CLYBL: variants seen among roughly 807,000 people sequenced by gnomAD.
CLYBL encodes citramalyl-CoA lyase.
A neutral mutation model predicts 38.9 loss-of-function variants in CLYBL; 31 were observed. The observed-to-expected ratio is 0.80, with a 90% confidence interval of 0.60 to 1.08. The LOEUF (loss-of-function observed/expected upper bound fraction) is 1.08, where lower values mean the gene tolerates loss of function less well. Ranked by LOEUF, CLYBL falls within the 50% of genes least tolerant of loss-of-function variation. The pLI, the probability that CLYBL is intolerant of heterozygous loss-of-function variation, is 0.00. For synonymous variants in CLYBL, 171 were observed against 158.6 expected (o/e 1.08, Z -0.59); for missense variants, 434 against 411.6 (o/e 1.05, Z -0.47).
intron 1 of CLYBL, among the ~76,000 whole-genome samples, chr13:99,709,923 C>CTTTTTTTT (rs373484721): frequency 1.5e-4 from 17 of 110,476 alleles, no homozygotes; most frequent in Admixed American, 2.1e-4. Flanking sequence ...TTCTTTCTTT[C>CTTTTTTTT]TTTTTTTTTT....
chr13:99,851,358 A>G (rs2051325487), intron 2 of CLYBL, among the ~76,000 whole-genome samples: 1 of 142,590 alleles, frequency 7.0e-6, no homozygotes, highest in Non-Finnish European at 1.5e-5. Flanking sequence ...CAAGAGTGAA[A>G]GTCCACCTCA....
At chr13:99,723,652 C>T (rs1180651496) in intron 1 of CLYBL, among the ~76,000 whole-genome samples, 1 of 152,176 alleles carries the variant, frequency 6.6e-6, no homozygotes, top group Non-Finnish European at 1.5e-5. Context: ...TCCATGTTCC[C>T]ATCCATGGGC....
intron 2 of CLYBL, among the ~76,000 whole-genome samples, chr13:99,796,508 T>C (rs1456424987): frequency 6.6e-6 from 1 of 152,200 alleles, no homozygotes; most frequent in African/African-American, 2.4e-5. Context: ...ACTCATTTCA[T>C]GTTCATAGCA....
intron 1 of CLYBL, among the ~76,000 whole-genome samples, chr13:99,644,802 A>G (rs1164496163): frequency 6.6e-6 from 1 of 152,190 alleles, no homozygotes; most frequent in South Asian, 2.1e-4. Context: ...ATTTCACTTA[A>G]CATAATGTCC....
chr13:99,692,165 C>T (rs1357856501), intron 1 of CLYBL, among the ~76,000 whole-genome samples: 10 of 152,176 alleles, frequency 6.6e-5, no homozygotes, highest in Admixed American at 6.6e-4. Context: ...AGACGCATTA[C>T]ATATGCCAGC....
At chr13:99,833,970 G>A (rs1031241167) in intron 2 of CLYBL, among the ~76,000 whole-genome samples, 5 of 152,006 alleles carry the variant, frequency 3.3e-5, no homozygotes, top group Non-Finnish European at 7.4e-5. Flanking sequence ...AAAGTGCTGG[G>A]ATTACAGGTG....
At chr13:99,833,007 CATATATAT>C (rs1555314795) in intron 2 of CLYBL, among the ~76,000 whole-genome samples, 2 of 51,582 alleles carry the variant, frequency 3.9e-5, no homozygotes, top group African/African-American at 1.5e-4. Flanking sequence ...TACATACATA[CATATATAT>C]ATATATATAT....
intron 2 of CLYBL, 53 bp from the exon 3 acceptor site, chr13:99,858,808 G>C: frequency 7.7e-7 from 1 of 1,302,492 alleles, no homozygotes; most frequent in Non-Finnish European, 1.1e-6. Context: ...CCATTTGATG[G>C]TGCTCCCCTC....
intron 2 of CLYBL, among the ~76,000 whole-genome samples, chr13:99,780,343 G>A (rs535448955): frequency 4.6e-5 from 7 of 151,908 alleles, no homozygotes; most frequent in East Asian, 1.9e-4. Flanking sequence ...TTTTAATTAC[G>A]TCTCCTATTT....
chr13:99,608,282 A>G (rs1594079847), intron 1 of CLYBL, among the ~76,000 whole-genome samples: 1 of 151,626 alleles, frequency 6.6e-6, no homozygotes, highest in East Asian at 2.0e-4. Flanking sequence ...CATGTTGGCC[A>G]GGCTGGTCTG....
At chr13:99,820,059 C>T (rs2050557360) in intron 2 of CLYBL, among the ~76,000 whole-genome samples, 1 of 152,216 alleles carries the variant, frequency 6.6e-6, no homozygotes, top group Non-Finnish European at 1.5e-5. Flanking sequence ...AGACCTCACC[C>T]AGGTGATTTT....
chr13:99,824,043 T>TA (rs2050639488), intron 2 of CLYBL, among the ~76,000 whole-genome samples: 1 of 152,294 alleles, frequency 6.6e-6, no homozygotes, highest in East Asian at 1.9e-4. Flanking sequence ...AATAATTTTG[T>TA]AAAAAAAGAT....
chr13:99,636,622 TAG>T (rs2047021646), intron 1 of CLYBL, among the ~76,000 whole-genome samples: 6 of 152,164 alleles, frequency 3.9e-5, no homozygotes. Context: ...CCCCTCCTTT[TAG>T]AGAGAGATCT....
intron 1 of CLYBL, among the ~76,000 whole-genome samples, chr13:99,691,697 C>G (rs1193222935): frequency 1.3e-5 from 2 of 152,148 alleles, no homozygotes; most frequent in African/African-American, 4.8e-5. Context: ...AAGCTTGAAA[C>G]TTAGACTATA....
chr13:99,788,518 G>GT (rs2049847498), intron 2 of CLYBL, among the ~76,000 whole-genome samples: 1 of 152,174 alleles, frequency 6.6e-6, no homozygotes, highest in Non-Finnish European at 1.5e-5. Flanking sequence ...ATTTGCATAT[G>GT]TTGAACCAGC....
At chr13:99,791,365 A>G (rs1377275476) in intron 2 of CLYBL, among the ~76,000 whole-genome samples, 3 of 152,084 alleles carry the variant, frequency 2.0e-5, no homozygotes, top group Non-Finnish European at 4.4e-5. Context: ...TTTTTTAAAA[A>G]AAAAACAAAC....
intron 1 of CLYBL, among the ~76,000 whole-genome samples, chr13:99,711,683 G>T (rs1301005729): frequency 2.0e-5 from 3 of 151,894 alleles, no homozygotes; most frequent in Non-Finnish European, 4.4e-5. Flanking sequence ...TGGGATTACA[G>T]GCGTGAGCCA....
At chr13:99,841,332 A>G (rs2051070617) in intron 2 of CLYBL, among the ~76,000 whole-genome samples, 1 of 152,170 alleles carries the variant, frequency 6.6e-6, no homozygotes, top group South Asian at 2.1e-4. Context: ...CACACATCTT[A>G]AGGTTCGTGA....
intron 2 of CLYBL, among the ~76,000 whole-genome samples, chr13:99,798,042 T>C (rs2050057709): frequency 6.6e-6 from 1 of 152,220 alleles, no homozygotes; most frequent in African/African-American, 2.4e-5. Flanking sequence ...TTCTTTGATA[T>C]GTTACATGTC....
Sources: allele counts gnomAD v4.1 joint callset (sites outside exome capture counted in the v4.1 genomes callset), GRCh38; gene constraint gnomAD v4.1.1; transcripts MANE v1.5; gene names NCBI Gene and HGNC (gene_info 2026-07-23, HGNC 2026-07-21).